The following CYP19A1 variants were observed in gnomAD, a reference collection of about 807,000 sequenced individuals.
CYP19A1 encodes the protein aromatase.
A neutral mutation model predicts 44.4 loss-of-function variants in CYP19A1; 32 were observed. The observed-to-expected ratio is 0.72, with a 90% confidence interval of 0.54 to 0.97. The LOEUF (loss-of-function observed/expected upper bound fraction) is 0.97, where lower values mean the gene tolerates loss of function less well. Ranked by LOEUF, CYP19A1 falls within the 50% of genes least tolerant of loss-of-function variation. The probability of loss-of-function intolerance (pLI) is 0.00; values close to 1 mark genes in which losing one functional copy is unlikely to be tolerated. For synonymous variants in CYP19A1, 212 were observed against 215.6 expected, an observed-to-expected ratio of 0.98 and a Z score of 0.14; for missense variants, 598 against 637.8, an observed-to-expected ratio of 0.94 and a Z score of 0.67.
intron 1 of CYP19A1, among the ~76,000 whole-genome samples, chr15:51,261,701 G>A (rs527700032): frequency 4.6e-5 from 7 of 152,328 alleles, no homozygotes; most frequent in African/African-American, 1.7e-4. Flanking sequence ...AACAGAAAGA[G>A]TTACTTTCGC....
At chr15:51,220,385 T>C (rs2031970123) in intron 5 of CYP19A1, among the ~76,000 whole-genome samples, 1 of 152,254 alleles carries the variant, frequency 6.6e-6, no homozygotes, top group Non-Finnish European at 1.5e-5. Context: ...CACTGGAATG[T>C]AAGCCCCTTG....
At chr15:51,214,069 C>G (rs1266506634) in intron 8 of CYP19A1, among the ~76,000 whole-genome samples, 1 of 152,214 alleles carries the variant, frequency 6.6e-6, no homozygotes, top group Non-Finnish European at 1.5e-5. Context: ...TTACGTTTAA[C>G]TATTTCAAGG....
intron 6 of CYP19A1, 131 bp downstream of exon 6, chr15:51,218,408 CTT>C: frequency 7.3e-7 from 1 of 1,361,192 alleles, no homozygotes; most frequent in South Asian, 1.5e-5. Flanking sequence ...TCATCAGCAA[CTT>C]AATCAACAGC....
chr15:51,308,867 T>C (rs35614346), intron 1 of CYP19A1, among the ~76,000 whole-genome samples: 15 of 152,316 alleles, frequency 9.8e-5, no homozygotes, highest in African/African-American at 1.4e-4. Context: ...AAATAACTCA[T>C]GCACAGGGTA....
chr15:51,237,410 G>A (rs1269583751), intron 2 of CYP19A1, among the ~76,000 whole-genome samples: 7 of 152,146 alleles, frequency 4.6e-5, no homozygotes, highest in South Asian at 4.1e-4. Flanking sequence ...TCTGTTTGGC[G>A]CCTAGTTTTT....
At chr15:51,327,038 G>A (rs111618166) in intron 1 of CYP19A1, among the ~76,000 whole-genome samples, 2 of 119,830 alleles carry the variant, frequency 1.7e-5, no homozygotes, top group African/African-American at 7.6e-5. Context: ...CATTTCCAAT[G>A]ACTCTGCATG....
intron 1 of CYP19A1, among the ~76,000 whole-genome samples, chr15:51,319,282 A>G: frequency 6.6e-6 from 1 of 152,356 alleles, no homozygotes; most frequent in South Asian, 2.1e-4. Flanking sequence ...ATAGTTATTA[A>G]TGGAATATTC....
At chr15:51,311,619 G>A (rs983003540) in intron 1 of CYP19A1, among the ~76,000 whole-genome samples, 1 of 152,198 alleles carries the variant, frequency 6.6e-6, no homozygotes, top group African/African-American at 2.4e-5. Context: ...TAAGATTCAA[G>A]TAGCTCGTTA....
intron 1 of CYP19A1, among the ~76,000 whole-genome samples, chr15:51,255,944 G>A (rs761440084): frequency 2.0e-5 from 3 of 152,236 alleles, no homozygotes; most frequent in Non-Finnish European, 4.4e-5. Flanking sequence ...GGCCCCAGAA[G>A]TGACAAAGTT....
chr15:51,302,578 G>A (rs773067464), intron 1 of CYP19A1, among the ~76,000 whole-genome samples: 1 of 152,168 alleles, frequency 6.6e-6, no homozygotes, highest in African/African-American at 2.4e-5. Context: ...GGTGGCCAGG[G>A]TTTCCTCAGC....
At chr15:51,263,493 G>T (rs2034805769) in intron 1 of CYP19A1, among the ~76,000 whole-genome samples, 1 of 152,220 alleles carries the variant, frequency 6.6e-6, no homozygotes, top group African/African-American at 2.4e-5. Context: ...AGTTAGGGAA[G>T]TTTTCACTTG....
intron 1 of CYP19A1, among the ~76,000 whole-genome samples, chr15:51,314,931 C>A (rs1426091062): frequency 6.6e-6 from 1 of 152,102 alleles, no homozygotes; most frequent in East Asian, 1.9e-4. Flanking sequence ...GTCTCAAATT[C>A]CTCAACCTCT....
chr15:51,254,543 A>G (rs1294340669), intron 1 of CYP19A1, among the ~76,000 whole-genome samples: 2 of 151,916 alleles, frequency 1.3e-5, no homozygotes, highest in East Asian at 3.9e-4. Context: ...TTAGACAAAC[A>G]TTCAGTCTCA....
At chr15:51,292,509 G>GCAAT (rs2140989267) in intron 1 of CYP19A1, among the ~76,000 whole-genome samples, 1 of 152,334 alleles carries the variant, frequency 6.6e-6, no homozygotes, top group East Asian at 1.9e-4. Context: ...TCGCAAACTG[G>GCAAT]CAATCATCTC....
chr15:51,327,310 C>T (rs2036622798), intron 1 of CYP19A1, among the ~76,000 whole-genome samples: 1 of 152,176 alleles, frequency 6.6e-6, no homozygotes, highest in African/African-American at 2.4e-5. Flanking sequence ...CTGAGTAAAG[C>T]CAAGGCACCA....
intron 1 of CYP19A1, among the ~76,000 whole-genome samples, chr15:51,337,454 T>C (rs942516470): frequency 6.6e-6 from 1 of 152,248 alleles, no homozygotes; most frequent in African/African-American, 2.4e-5. Flanking sequence ...ATGAAATAGA[T>C]ACAATTACAG....
intron 1 of CYP19A1, among the ~76,000 whole-genome samples, chr15:51,323,373 A>G (rs1486606489): frequency 6.6e-6 from 1 of 152,186 alleles, no homozygotes; most frequent in African/African-American, 2.4e-5. Flanking sequence ...AAAATCAACT[A>G]AGCTTCCGAA....
At chr15:51,314,563 C>T (rs1260185487) in intron 1 of CYP19A1, among the ~76,000 whole-genome samples, 1 of 152,158 alleles carries the variant, frequency 6.6e-6, no homozygotes, top group African/African-American at 2.4e-5. Flanking sequence ...GGGACTCTCC[C>T]AAGAAAACCA....
chr15:51,279,496 AAAAAG>A (rs548707552), intron 1 of CYP19A1, among the ~76,000 whole-genome samples: 39 of 152,348 alleles, frequency 2.6e-4, no homozygotes, highest in Non-Finnish European at 4.3e-4. Context: ...TATGCCAGAA[AAAAAG>A]AAAAGAATGA....
Sources: gnomAD v4.1 joint callset for allele counts (sites outside exome capture counted in the v4.1 genomes callset) on GRCh38, gnomAD v4.1.1 for gene constraint, MANE v1.5 for transcripts, NCBI Gene and HGNC (gene_info 2026-07-23, HGNC 2026-07-21) for gene names.